Variants in PATJ observed in about 807,000 individuals in gnomAD.
PATJ encodes inaD-like protein.
A neutral mutation model predicts 224.9 loss-of-function variants in PATJ; 190 were observed. The ratio of observed to expected loss-of-function variants is 0.84; its 90% CI spans 0.75 to 0.95. The LOEUF is 0.95. Ranked by LOEUF, PATJ falls within the 40% of genes least tolerant of loss-of-function variation. The probability of loss-of-function intolerance (pLI) is 0.00; values close to 1 mark genes in which losing one functional copy is unlikely to be tolerated. For synonymous variants in PATJ, 769 were observed against 820.3 expected (o/e 0.94, Z 1.07); for missense variants, 2,121 against 2,270.3 (o/e 0.93, Z 1.34).
At chr1:62,061,757 T>G (rs1300972646) in intron 31 of PATJ, among the ~76,000 whole-genome samples, 2 of 152,036 alleles carry the variant, frequency 1.3e-5, no homozygotes, top group Admixed American at 6.6e-5. Flanking sequence ...CCTCCCAGGT[T>G]CACGCCATTC....
At chr1:62,149,836 A>G (rs1382128430) in intron 42 of PATJ, among the ~76,000 whole-genome samples, 1 of 151,954 alleles carries the variant, frequency 6.6e-6, no homozygotes, top group African/African-American at 2.4e-5. Context: ...CTTCTATATG[A>G]AAGTAAATTT....
intron 43 of PATJ, among the ~76,000 whole-genome samples, chr1:62,158,700 G>C (rs1371890229): frequency 7.8e-6 from 1 of 129,004 alleles, no homozygotes; most frequent in Non-Finnish European, 1.6e-5. Flanking sequence ...CAGCCTGGGC[G>C]ACAGAGCGAG....
chr1:61,843,752 T>A (rs1661489290), intron 17 of PATJ, among the ~76,000 whole-genome samples: 1 of 151,758 alleles, frequency 6.6e-6, no homozygotes. Context: ...TAAATGCCTA[T>A]GCTTTTCTTA....
chr1:62,038,100 G>A (rs750881131), intron 30 of PATJ, 51 bp downstream of exon 30: 3 of 1,127,418 alleles, frequency 2.7e-6, no homozygotes, highest in South Asian at 3.3e-5. Context: ...TTTGTCATGA[G>A]CATTTTCCCC....
intron 27 of PATJ, among the ~76,000 whole-genome samples, chr1:61,961,161 G>T (rs867002589): frequency 1.3e-5 from 2 of 152,310 alleles, no homozygotes; most frequent in African/African-American, 2.4e-5. Flanking sequence ...GCACTCAGAT[G>T]ATTTAGCAAG....
Position 61,834,136 on chromosome 1 carries a change from C to T in PATJ, c.2112+351C>T, listed in dbSNP as rs144102884. 4.1e-4 allele frequency among the ~76,000 whole-genome samples: 62 copies of T among 152,204 alleles called. No homozygotes were observed. In the East Asian group the frequency reaches 8.7e-3, roughly 21 times the overall value. On this transcript the variant is annotated intron_variant, in intron 17 of 43. Transcript: ENST00000642238. ...ACCCATTTTAAGCATACAGTTCAGTCGTTTTTAGTATATTCACAGAGTTGT... is the reference window on the plus strand; with the variant it reads ...ACCCATTTTAAGCATACAGTTCAGTTGTTTTTAGTATATTCACAGAGTTGT...
chr1:61,856,326 GA>G, intron 18 of PATJ, 87 bp downstream of exon 18: 1 of 1,053,662 alleles, frequency 9.5e-7, no homozygotes, highest in South Asian at 1.4e-5. Flanking sequence ...ACCTGGCCAA[GA>G]ATTTCTGTTC....
At chr1:62,150,717 C>T (rs1427180656) in intron 42 of PATJ, among the ~76,000 whole-genome samples, 1 of 132,690 alleles carries the variant, frequency 7.5e-6, no homozygotes, top group African/African-American at 2.8e-5. Flanking sequence ...TTGGAATAAA[C>T]AGGTGGCATT....
chr1:61,749,854 T>A (rs535652072), intron 1 of PATJ, among the ~76,000 whole-genome samples: 122 of 152,148 alleles, frequency 8.0e-4, no homozygotes, highest in African/African-American at 2.9e-3. Context: ...AATTTTTAAA[T>A]TTTTTTGTCA....
At chr1:62,050,627 A>T (rs970889473) in intron 30 of PATJ, among the ~76,000 whole-genome samples, 1 of 152,180 alleles carries the variant, frequency 6.6e-6, no homozygotes, top group Non-Finnish European at 1.5e-5. Context: ...CTTATATTTC[A>T]TTGGCCAGAA....
chr1:61,971,562 A>G lies in PATJ; in HGVS notation c.3671-18606A>G, dbSNP rs962582829. Among the ~76,000 whole-genome samples, 3 of 152,254 alleles carry G rather than the reference A, an allele frequency of 2.0e-5. No homozygotes were observed. In the East Asian group the frequency reaches 5.8e-4, roughly 29 times the overall value. On this transcript the variant is annotated intron_variant, in intron 27 of 43. Coordinates refer to ENST00000642238, the MANE Select transcript of PATJ (RefSeq NM_001350145.3). ...CTGTGAGGTCGAGGCTGCAATGAGCATGTTCATGCCACTGCACTCTAGCCT... is the reference window on the plus strand; with the variant it reads ...CTGTGAGGTCGAGGCTGCAATGAGCGTGTTCATGCCACTGCACTCTAGCCT...
chr1:62,111,804 G>A (rs1416896224), intron 34 of PATJ, among the ~76,000 whole-genome samples: 1 of 152,046 alleles, frequency 6.6e-6, no homozygotes, highest in Non-Finnish European at 1.5e-5. Context: ...GGGATTATGG[G>A]CGCCTGCCAC....
At position 62,127,676 on chromosome 1, in the gene PATJ, G is replaced by A. The variant is rs71641759; in HGVS notation, c.5044-296G>A. Among the ~76,000 whole-genome samples, 447 of 152,192 alleles carry A rather than the reference G, an allele frequency of 2.9e-3. 2 individuals are homozygous for A. The highest frequency in any genetic ancestry group is 0.016 in the South Asian group (78 of 4,820). The stretch of plus-strand genomic sequence containing the variant: ...CAAAAAATTAGCCAAGTGTGGTGGC[G>A]CGCACTTGTAATCCTAGCTACTCAG... On this transcript the variant is annotated intron_variant, in intron 39 of 43. Coordinates refer to ENST00000642238, the MANE Select transcript of PATJ (RefSeq NM_001350145.3).
At chr1:62,081,336 A>T (rs1659254402) in intron 32 of PATJ, among the ~76,000 whole-genome samples, 1 of 152,184 alleles carries the variant, frequency 6.6e-6, no homozygotes, top group African/African-American at 2.4e-5. Context: ...TTATTCATTT[A>T]CTCATCTACT....
At chr1:61,952,087 G>A in intron 27 of PATJ, 2 of 389,968 alleles carry the variant, frequency 5.1e-6, no homozygotes, top group South Asian at 5.9e-5. Flanking sequence ...CCAAGGGTCT[G>A]ATGTGGGAAA....
At chr1:61,897,412 T>C (rs1360838535) in intron 22 of PATJ, among the ~76,000 whole-genome samples, 1 of 152,226 alleles carries the variant, frequency 6.6e-6, no homozygotes, top group Non-Finnish European at 1.5e-5. Context: ...ATGTGAAAAG[T>C]CCTGAAGAAG....
Position 61,864,137 on chromosome 1 carries a change from A to G in PATJ, c.2440-101A>G, listed in dbSNP as rs1452145513. 4 of 919,258 alleles carry G rather than the reference A, an allele frequency of 4.4e-6. No homozygotes were observed. In the Admixed American group the frequency reaches 7.3e-5, roughly 17 times the overall value. The allele number at this position is 919,258 out of a possible 1,614,324, so 56.9% of individuals were successfully genotyped here. On this transcript the variant is annotated intron_variant, in intron 19 of 43. Transcript: ENST00000642238. ...CTGTGCATGTTAGCTGTGCCTTGGC[A>G]TATGCAGTCACGCCAGCATTTGAAA... is the stretch of plus-strand genomic sequence containing the variant.
At chr1:62,020,149 G>A (rs1253981688) in intron 29 of PATJ, among the ~76,000 whole-genome samples, 2 of 151,816 alleles carry the variant, frequency 1.3e-5, no homozygotes, top group South Asian at 2.1e-4. Context: ...CAGCTTGGGC[G>A]ACAGCAAGAC....
Position 62,155,038 on chromosome 1 carries a change from CCTT to C in PATJ, c.5502+1560_5502+1562del, listed in dbSNP as rs1570852937. On this transcript the variant is annotated intron_variant, in intron 43 of 43. Transcript: ENST00000642238. ...GGTAGATAAACCATAAACTGACCAT[CCTT>C]CTCCTATGACACATTTAACACCCTA... 2.0e-5 allele frequency among the ~76,000 whole-genome samples: 3 copies of C among 152,202 alleles called. No individual in the cohort carries two copies. The South Asian group carries it at 6.2e-4, about 32-fold the overall frequency.
Sources: allele counts gnomAD v4.1 joint callset (sites outside exome capture counted in the v4.1 genomes callset), GRCh38; gene constraint gnomAD v4.1.1; transcripts MANE v1.5; gene names NCBI Gene and HGNC (gene_info 2026-07-23, HGNC 2026-07-21).